Variants in ACSBG2 observed in about 807,000 individuals in gnomAD.
ACSBG2 encodes the protein acyl-CoA synthetase bubblegum family member 2, also known as long-chain-fatty-acid--CoA ligase ACSBG2.
A neutral mutation model predicts 74.7 loss-of-function variants in ACSBG2; 62 were observed. That is an observed-to-expected ratio of 0.83 (90% CI 0.68 to 1.03). ACSBG2 has a LOEUF of 1.03. ACSBG2 is among the 50% of genes least tolerant of loss of function. The pLI is 0.00. For missense variants in ACSBG2, 730 were observed against 817.6 expected, an observed-to-expected ratio of 0.89 and a Z score of 1.31; for synonymous variants, 309 against 294.1, an observed-to-expected ratio of 1.05 and a Z score of -0.52.
chr19:6,161,298 AAGTG>A lies in ACSBG2; in HGVS notation c.588+4_588+7del. On this transcript the variant is annotated splice_donor_5th_base_variant and intron_variant, in intron 6 of 14. Coordinates refer to ENST00000588485, the MANE Select transcript of ACSBG2 (RefSeq NM_030924.5). ...AGAAGAACAACAACTTGTACTCTGT[AAGTG>A]TGGGAGGTGGGCACTGGGGAAAGGG... The A allele has an allele frequency of 6.2e-7, 1 of 1,612,424 alleles. No individual in the cohort carries two copies. The highest frequency in any genetic ancestry group is 8.5e-7 in the Non-Finnish European group (1 of 1,178,736).
chr19:6,188,533 G>A (rs2090468315), intron 13 of ACSBG2, among the ~76,000 whole-genome samples: 1 of 152,164 alleles, frequency 6.6e-6, no homozygotes, highest in Non-Finnish European at 1.5e-5. Context: ...TCAGGAGACT[G>A]AGAGGATCGC....
intron 3 of ACSBG2, 100 bp downstream of exon 3, chr19:6,147,775 T>C (rs2089089385): frequency 7.4e-7 from 1 of 1,360,392 alleles, no homozygotes; most frequent in Non-Finnish European, 1.0e-6. Context: ...CACCAAAAGA[T>C]ACAAAGGTTA....
intron 11 of ACSBG2, among the ~76,000 whole-genome samples, chr19:6,186,580 G>C (rs1367577803): frequency 6.6e-6 from 1 of 152,180 alleles, no homozygotes; most frequent in Non-Finnish European, 1.5e-5. Flanking sequence ...CAAAACTGTT[G>C]ACTCAACGTA....
intron 2 of ACSBG2, among the ~76,000 whole-genome samples, chr19:6,145,016 A>G (rs900216416): frequency 6.6e-6 from 1 of 152,008 alleles, no homozygotes; most frequent in Non-Finnish European, 1.5e-5. Flanking sequence ...ATCTGAACAT[A>G]CATCTCCAGT....
intron 2 of ACSBG2, among the ~76,000 whole-genome samples, chr19:6,144,039 C>A (rs899349425): frequency 2.6e-5 from 4 of 152,018 alleles, no homozygotes; most frequent in Non-Finnish European, 5.9e-5. Flanking sequence ...GCTCTGTTGC[C>A]CAGGCTGGAG....
chr19:6,150,589 G>T lies in ACSBG2; in HGVS notation c.298-1118G>T, dbSNP rs184811081. Among the ~76,000 whole-genome samples the T allele has an allele frequency of 1.7e-3, 256 of 152,304 alleles. 3 individuals are homozygous for T. The highest frequency in any genetic ancestry group is 8.5e-4 in the Non-Finnish European group (58 of 68,018). On this transcript the variant is annotated intron_variant, in intron 3 of 14. Transcript: ENST00000588485. ...ACATCATACTCGGTGAAATAAGCCA[G>T]ACACAAAAGGGCAAATCCCGTATGG... is the stretch of plus-strand genomic sequence containing the variant.
Position 6,177,644 on chromosome 19 carries a change from A to C in ACSBG2, c.906+248A>C, listed in dbSNP as rs574496929. ...TTGCTTGAGCTCAGGAGTTGAGACC[A>C]GCCTGAGCAAGATGGCGAAACCCTA... On this transcript the variant is annotated intron_variant, in intron 8 of 14. Transcript: ENST00000588485. 3.3e-5 allele frequency among the ~76,000 whole-genome samples: 5 copies of C among 152,336 alleles called. 1 individual carries two copies. Among genetic ancestry groups the C allele is most frequent in the African/African-American group, 1.2e-4 (5 of 41,576 alleles).
chr19:6,147,927 A>G (rs944361851), intron 3 of ACSBG2, among the ~76,000 whole-genome samples: 34 of 151,936 alleles, frequency 2.2e-4, no homozygotes, highest in African/African-American at 8.2e-4. Context: ...TATATATGCA[A>G]ATTTTTTACA....
chr19:6,145,842 A>T (rs2089011789), intron 2 of ACSBG2, among the ~76,000 whole-genome samples: 2 of 152,088 alleles, frequency 1.3e-5, no homozygotes, highest in South Asian at 4.1e-4. Context: ...TCAATGGCTT[A>T]ACACAACACA....
intron 2 of ACSBG2, among the ~76,000 whole-genome samples, chr19:6,145,167 G>C (rs930047012): frequency 5.3e-5 from 8 of 152,072 alleles, no homozygotes; most frequent in African/African-American, 1.9e-4. Context: ...GGGAAGCCGA[G>C]GCAGGCGGAT....
chr19:6,151,840 AC>A, intron 4 of ACSBG2, 45 bp downstream of exon 4: 8 of 1,543,294 alleles, frequency 5.2e-6, no homozygotes, highest in Non-Finnish European at 7.0e-6. Context: ...AGGAGCCGCT[AC>A]CCTGGGCCTG....
Position 6,161,872 on chromosome 19 carries a change from TA to T in ACSBG2, c.588+585del, listed in dbSNP as rs377181562. The stretch of plus-strand genomic sequence containing the variant: ...ACAAATCACCACCAAAACTGGTGGC[TA>T]AAAAAAATCAGTCATTTTGTTATTA... On this transcript the variant is annotated intron_variant, in intron 6 of 14. Transcript: ENST00000588485. Among the ~76,000 whole-genome samples the T allele has an allele frequency of 3.9e-3, 590 of 151,956 alleles. 2 individuals are homozygous for T. Among genetic ancestry groups the T allele is most frequent in the South Asian group, 0.014 (65 of 4,808 alleles).
intron 8 of ACSBG2, among the ~76,000 whole-genome samples, chr19:6,181,306 GGAAA>G (rs1253983180): frequency 7.0e-6 from 1 of 141,992 alleles, no homozygotes; most frequent in Non-Finnish European, 1.5e-5. Context: ...GGAGAAAGAA[GGAAA>G]GAAAGGAAGG....
intron 4 of ACSBG2, among the ~76,000 whole-genome samples, chr19:6,154,434 A>AGAGAGAT (rs1568226772): frequency 4.6e-3 from 174 of 38,202 alleles, no homozygotes; most frequent in Middle Eastern, 0.034. Flanking sequence ...GAGAGAGAGA[A>AGAGAGAT]AATTATTATT....
intron 5 of ACSBG2, among the ~76,000 whole-genome samples, chr19:6,158,440 GT>G (rs57823634): frequency 0.04 from 5,413 of 135,156 alleles, 261 homozygotes; most frequent in African/African-American, 0.13. Flanking sequence ...GCTGTCTTAC[GT>G]TTTTTTTTTT....
At chr19:6,177,516 C>CAGGGAGAATTATG in intron 8 of ACSBG2, 120 bp downstream of exon 8, 1 of 1,033,920 alleles carries the variant, frequency 9.7e-7, no homozygotes, top group Non-Finnish European at 1.4e-6. Flanking sequence ...ACGGTTTTAT[C>CAGGGAGAATTATG]TCTGCCCTCA....
At chr19:6,155,694 G>T (rs2145083084) in intron 4 of ACSBG2, among the ~76,000 whole-genome samples, 1 of 150,916 alleles carries the variant, frequency 6.6e-6, no homozygotes, top group Admixed American at 6.6e-5. Context: ...GGAGGCTGAG[G>T]CATGAGAATT....
Position 6,182,946 on chromosome 19 carries a change from CCA to C in ACSBG2, c.1088+15_1088+16del, listed in dbSNP as rs776604962. Reference sequence around the variant, plus strand: ...AAAGATGTTGGGGTAGGTGGAGCATCCAGAGGGCTGGGAGGGTAGTTGGTGAG... The same window carrying C: ...AAAGATGTTGGGGTAGGTGGAGCATCGAGGGCTGGGAGGGTAGTTGGTGAG... On this transcript the variant is annotated intron_variant, in intron 9 of 14. Transcript: ENST00000588485. 1 of 1,613,672 alleles carries C rather than the reference CCA, an allele frequency of 6.2e-7. No homozygotes were observed. Among genetic ancestry groups the C allele is most frequent in the Non-Finnish European group, 8.5e-7 (1 of 1,179,686 alleles).
intron 4 of ACSBG2, among the ~76,000 whole-genome samples, chr19:6,153,946 AAAGAG>A (rs2089326128): frequency 1.3e-5 from 2 of 152,148 alleles, no homozygotes; most frequent in African/African-American, 4.8e-5. Context: ...AAGGAAAAGA[AAAGAG>A]AAAAGAGAGA....
Sources: allele counts gnomAD v4.1 joint callset (sites outside exome capture counted in the v4.1 genomes callset), GRCh38; gene constraint gnomAD v4.1.1; transcripts MANE v1.5; gene names NCBI Gene and HGNC (gene_info 2026-07-23, HGNC 2026-07-21).